ARL15: variants seen among roughly 807,000 people sequenced by gnomAD.
ARL15 encodes ADP-ribosylation factor-like protein 15.
ARL15 carries 19 observed loss-of-function variants against 25.2 expected under a neutral mutation model. That is an observed-to-expected ratio of 0.75 (90% CI 0.53 to 1.10). The LOEUF is 1.10. Ranked by LOEUF, ARL15 falls within the 50% of genes least tolerant of loss-of-function variation. The probability of loss-of-function intolerance (pLI) is 0.00; values close to 1 mark genes in which losing one functional copy is unlikely to be tolerated. For synonymous variants in ARL15, 94 were observed against 86.8 expected, an observed-to-expected ratio of 1.08 and a Z score of -0.46; for missense variants, 220 against 246.0, an observed-to-expected ratio of 0.89 and a Z score of 0.71.
intron 1 of ARL15, among the ~76,000 whole-genome samples, chr5:54,280,775 C>T (rs1246760072): frequency 1.3e-5 from 2 of 152,104 alleles, no homozygotes; most frequent in Non-Finnish European, 2.9e-5. Context: ...ATAATTTGGT[C>T]TTTAAAAGTA....
At chr5:54,118,794 C>G (rs1165371513) in intron 3 of ARL15, among the ~76,000 whole-genome samples, 1 of 152,134 alleles carries the variant, frequency 6.6e-6, no homozygotes, top group Non-Finnish European at 1.5e-5. Flanking sequence ...AGAAAGATTA[C>G]TGAATTGTGT....
intron 1 of ARL15, among the ~76,000 whole-genome samples, chr5:54,239,138 T>A (rs1756886256): frequency 6.6e-6 from 1 of 151,818 alleles, no homozygotes; most frequent in Non-Finnish European, 1.5e-5. Context: ...ATTTATAACA[T>A]CCGAAAAAGA....
At chr5:53,943,522 T>C (rs1186356909) in intron 4 of ARL15, among the ~76,000 whole-genome samples, 1 of 152,124 alleles carries the variant, frequency 6.6e-6, no homozygotes, top group South Asian at 2.1e-4. Flanking sequence ...TCAGGAGTAG[T>C]ATTGCTGGTT....
At chr5:53,889,832 G>C (rs1388086942) in intron 4 of ARL15, among the ~76,000 whole-genome samples, 1 of 141,604 alleles carries the variant, frequency 7.1e-6, no homozygotes, top group Non-Finnish European at 1.5e-5. Context: ...TTTTTTCCGA[G>C]ACAGAGTTTT....
chr5:54,195,175 T>A (rs1320887193), intron 1 of ARL15, among the ~76,000 whole-genome samples: 2 of 152,170 alleles, frequency 1.3e-5, no homozygotes, highest in Admixed American at 6.6e-5. Flanking sequence ...ATGTTGCTAA[T>A]GTACTATGTA....
intron 4 of ARL15, chr5:53,887,418 T>A (rs1261485038): frequency 2.9e-6 from 2 of 699,640 alleles, no homozygotes; most frequent in Non-Finnish European, 5.2e-6. Context: ...ATAATAGGTA[T>A]GTGCTGAAAA....
chr5:54,138,888 T>C (rs992169745), intron 3 of ARL15, among the ~76,000 whole-genome samples: 22 of 152,082 alleles, frequency 1.4e-4, no homozygotes, highest in African/African-American at 4.6e-4. Flanking sequence ...AAAGAAGATA[T>C]ACAAATGGTC....
intron 4 of ARL15, among the ~76,000 whole-genome samples, chr5:53,995,272 C>CA (rs1335254772): frequency 1.6e-5 from 2 of 128,482 alleles, no homozygotes; most frequent in African/African-American, 3.0e-5. Flanking sequence ...TGTGCCACTG[C>CA]ACACCTGGGA....
At chr5:54,067,792 T>A (rs772079497) in intron 4 of ARL15, among the ~76,000 whole-genome samples, 6 of 152,204 alleles carry the variant, frequency 3.9e-5, no homozygotes, top group Admixed American at 3.9e-4. Context: ...TATAAAATCA[T>A]ACCATGTGCT....
chr5:54,039,369 C>T (rs1750261931), intron 4 of ARL15, among the ~76,000 whole-genome samples: 1 of 152,122 alleles, frequency 6.6e-6, no homozygotes, highest in Non-Finnish European at 1.5e-5. Context: ...TTATATACAT[C>T]TTGTAAAACA....
chr5:54,062,638 C>T (rs1037191320), intron 4 of ARL15, among the ~76,000 whole-genome samples: 1 of 152,104 alleles, frequency 6.6e-6, no homozygotes, highest in Admixed American at 6.5e-5. Flanking sequence ...GCCTCCCCAG[C>T]CATGTGGAAC....
At chr5:53,908,162 A>G (rs889335898) in intron 4 of ARL15, among the ~76,000 whole-genome samples, 1 of 152,226 alleles carries the variant, frequency 6.6e-6, no homozygotes, top group Non-Finnish European at 1.5e-5. Flanking sequence ...TGTTGTTACA[A>G]TTATTTTATC....
At chr5:54,283,831 T>A (rs1370953467) in intron 1 of ARL15, among the ~76,000 whole-genome samples, 1 of 152,232 alleles carries the variant, frequency 6.6e-6, no homozygotes, top group Non-Finnish European at 1.5e-5. Context: ...GTCCTGTGAC[T>A]AAGTTCTCCA....
intron 4 of ARL15, among the ~76,000 whole-genome samples, chr5:53,943,328 G>C (rs1746607786): frequency 6.6e-6 from 1 of 152,064 alleles, no homozygotes; most frequent in African/African-American, 2.4e-5. Flanking sequence ...TTTTTGTTTT[G>C]ATGATTTTTA....
At chr5:54,008,702 A>T (rs1408541298) in intron 4 of ARL15, among the ~76,000 whole-genome samples, 1 of 152,232 alleles carries the variant, frequency 6.6e-6, no homozygotes, top group Non-Finnish European at 1.5e-5. Flanking sequence ...CAAGAGAAAC[A>T]CTGAAATCTT....
intron 4 of ARL15, among the ~76,000 whole-genome samples, chr5:53,929,884 A>T (rs1746146957): frequency 6.6e-6 from 1 of 152,210 alleles, no homozygotes; most frequent in Non-Finnish European, 1.5e-5. Context: ...CAAGCCGAGG[A>T]AGAGAGTTTA....
chr5:54,201,058 AAG>A (rs1755709944), intron 1 of ARL15, among the ~76,000 whole-genome samples: 2 of 152,000 alleles, frequency 1.3e-5, no homozygotes, highest in African/African-American at 2.4e-5. Context: ...GAAAAAAAAA[AAG>A]AGTTGAGTGA....
chr5:53,967,716 A>G (rs1747609317), intron 4 of ARL15, among the ~76,000 whole-genome samples: 1 of 152,170 alleles, frequency 6.6e-6, no homozygotes, highest in African/African-American at 2.4e-5. Flanking sequence ...TGAGGCTGAA[A>G]CTAGGGGAGG....
chr5:54,051,164 C>T (rs1480122989), intron 4 of ARL15, among the ~76,000 whole-genome samples: 1 of 152,140 alleles, frequency 6.6e-6, no homozygotes, highest in African/African-American at 2.4e-5. Context: ...GTGGCACATG[C>T]GTCAAGTCTC....
Sources: allele counts gnomAD v4.1 joint callset (sites outside exome capture counted in the v4.1 genomes callset), GRCh38; gene constraint gnomAD v4.1.1; transcripts MANE v1.5; gene names NCBI Gene and HGNC (gene_info 2026-07-23, HGNC 2026-07-21).